TAF5L: variants seen among roughly 807,000 people sequenced by gnomAD.
TAF5L encodes TATA-box binding protein associated factor 5 like, also known as TAF5-like RNA polymerase II p300/CBP-associated factor-associated factor 65 kDa subunit 5L.
A neutral mutation model predicts 51.3 loss-of-function variants in TAF5L; 7 were observed. That is an observed-to-expected ratio of 0.14 (90% confidence interval 0.08 to 0.26). The LOEUF (loss-of-function observed/expected upper bound fraction) is 0.26, where lower values mean the gene tolerates loss of function less well. TAF5L is among the 10% of genes least tolerant of loss of function. The pLI is 1.00. For synonymous variants in TAF5L, 291 were observed against 308.1 expected (o/e 0.94, Z 0.58); for missense variants, 575 against 758.9 (o/e 0.76, Z 2.85).
At chr1:229,617,175 C>T (rs1665035413) in intron 1 of TAF5L, among the ~76,000 whole-genome samples, 1 of 152,146 alleles carries the variant, frequency 6.6e-6, no homozygotes, top group African/African-American at 2.4e-5. Flanking sequence ...CAGCACTGCT[C>T]TATCAGTGAT....
intron 4 of TAF5L, chr1:229,600,282 A>C: frequency 2.0e-6 from 2 of 985,382 alleles, no homozygotes; most frequent in Non-Finnish European, 2.4e-6. Context: ...CAACAACAGA[A>C]TAGGAGAATC....
intron 2 of TAF5L, among the ~76,000 whole-genome samples, chr1:229,610,895 C>A (rs760053662): frequency 5.9e-5 from 9 of 152,120 alleles, no homozygotes; most frequent in Non-Finnish European, 1.2e-4. Flanking sequence ...CCCCTAAACA[C>A]GCTATGCTTT....
rs1416741858 is a variant in TAF5L, at chr1:229,625,676, G to T, written c.-4+209C>A. Among the ~76,000 whole-genome samples, 3 of 149,216 alleles carry T rather than the reference G, an allele frequency of 2.0e-5. No individual in the cohort carries two copies. The highest frequency in any genetic ancestry group is 4.5e-5 in the Non-Finnish European group (3 of 67,086). On this transcript the variant is annotated intron_variant, in intron 1 of 4. Transcript: ENST00000258281. The surrounding 1 kb of genome is among the most constrained non-coding windows in gnomAD (Gnocchi z 4.0). ...GCCGCCGGCCGCAGCCCGGGACTCG[G>T]GAGGCCGAGGGCGGAGGCGCGGCCG...
chr1:229,622,949 G>C (rs1472825883), intron 1 of TAF5L, among the ~76,000 whole-genome samples: 1 of 152,134 alleles, frequency 6.6e-6, no homozygotes, highest in Non-Finnish European at 1.5e-5. Context: ...TCTTTCCAAG[G>C]AGCTAATCTG....
exon 5 of TAF5L, chr1:229,593,502 C>T (rs1663995003): frequency 1.3e-5 from 2 of 152,120 alleles, no homozygotes; most frequent in East Asian, 1.9e-4. Context: ...TTCCCACCAT[C>T]ACTGCAGGAG....
intron 4 of TAF5L, chr1:229,600,244 A>G: frequency 1.0e-6 from 1 of 985,330 alleles, no homozygotes; most frequent in South Asian, 4.7e-5. Flanking sequence ...TTGCTGTGAT[A>G]AAATGGGCGG....
In TAF5L at chr1:229,611,246, C is replaced by T. The variant is rs191016160; in HGVS notation, c.143-1036G>A. On this transcript the variant is annotated intron_variant, in intron 2 of 4. Transcript: ENST00000258281. ...TCTCAATATTCAGTATGTAAACACA[C>T]ACTTAATCTCCAATCTGTGAGTTTA... 1.7e-3 allele frequency among the ~76,000 whole-genome samples: 257 copies of T among 152,298 alleles called. 1 individual carries two copies. The highest frequency in any genetic ancestry group is 5.9e-3 in the African/African-American group (247 of 41,566).
At chr1:229,601,473 T>C in intron 4 of TAF5L, 1 of 985,458 alleles carries the variant, frequency 1.0e-6, no homozygotes, top group Non-Finnish European at 1.2e-6. Flanking sequence ...GCCCACATTT[T>C]TTCTAAGGTA....
At position 229,602,520 on chromosome 1, in the gene TAF5L, G is replaced by A. The variant is rs760883580; in HGVS notation, c.647C>T (p.Ser216Phe). 10 of 1,614,040 alleles carry A rather than the reference G, an allele frequency of 6.2e-6. No individual in the cohort carries two copies. The highest frequency in any genetic ancestry group is 8.5e-6 in the Non-Finnish European group (10 of 1,180,014). Residue 216 changes from serine to phenylalanine, a missense_variant, in exon 4 of 5, where the codon TCC (serine) becomes TTC (phenylalanine). Physicochemically the swap from Ser to Phe is radical, Grantham distance 155. Around this residue, in one of 3 missense-constraint regions of TAF5L, gnomAD observed 380 missense variants for 443.7 expected, o/e 0.86. Transcript: ENST00000258281. This position sits in a 1 kb window ranked among gnomAD's most constrained non-coding sequence, Gnocchi z 4.6. ...CTCCAAACCGTTGTTCTCACTGCGG[G>A]AGGAGCTGCCACTGGCATACAGCTG... is the stretch of plus-strand genomic sequence containing the variant.
rs765365871 is a variant in TAF5L, at chr1:229,602,985, G to A, written c.248-66C>T. ...CTTACAGAATAACGTGATCCCTCCT[G>A]GGGATCACCACCATCATATAATGCT... On this transcript the variant is annotated intron_variant, in intron 3 of 4. Coordinates refer to ENST00000258281, the Ensembl canonical transcript of TAF5L. The surrounding 1 kb of genome is among the most constrained non-coding windows in gnomAD (Gnocchi z 4.6). The A allele has an allele frequency of 5.9e-5, 89 of 1,499,256 alleles. No individual in the cohort carries two copies. Among genetic ancestry groups the A allele is most frequent in the Non-Finnish European group, 7.2e-5 (82 of 1,135,120 alleles). 92.9% of individuals were successfully genotyped at this position (1,499,256 alleles called of 1,614,324 possible).
At chr1:229,618,931 G>C (rs1395893305) in intron 1 of TAF5L, among the ~76,000 whole-genome samples, 1 of 152,184 alleles carries the variant, frequency 6.6e-6, no homozygotes, top group Non-Finnish European at 1.5e-5. Flanking sequence ...GTAGGGGTGA[G>C]TTCAAGATAA....
Position 229,594,343 on chromosome 1 carries a change from T to A in TAF5L, c.1724A>T (p.Asn575Ile), listed in dbSNP as rs1664034625. 1 of 1,613,270 alleles carries A rather than the reference T, an allele frequency of 6.2e-7. No individual in the cohort carries two copies. ...TGTAATTCCAGTCACCAGAAGAAGG[T>A]TACAGGCCATGAACTGCACGCTCAG... The change falls in exon 5 of 5, where the codon AAC (asparagine) becomes ATC (isoleucine). Residue 575 changes from asparagine to isoleucine, a missense_variant. This residue lies in a region of TAF5L where 91 missense variants were observed against 96.9 expected (regional missense o/e 0.94). Transcript: ENST00000258281. The surrounding 1 kb of genome is among the most constrained non-coding windows in gnomAD (Gnocchi z 7.9).
At chr1:229,615,558 A>C (rs1664948679) in intron 1 of TAF5L, among the ~76,000 whole-genome samples, 1 of 152,048 alleles carries the variant, frequency 6.6e-6, no homozygotes, top group Non-Finnish European at 1.5e-5. Flanking sequence ...GAAGTAAATT[A>C]TTTTTGAATA....
intron 4 of TAF5L, chr1:229,600,565 C>T (rs1664333991): frequency 3.0e-6 from 3 of 985,502 alleles, no homozygotes; most frequent in Non-Finnish European, 2.4e-6. Context: ...GTCTCCTTTG[C>T]CACTGCCACT....
chr1:229,609,982 A>AT, intron 3 of TAF5L, 124 bp downstream of exon 3: 2 of 734,632 alleles, frequency 2.7e-6, no homozygotes, highest in South Asian at 1.9e-5. Context: ...GCATTACTCT[A>AT]TTTTTTAATT....
Position 229,602,224 on chromosome 1 carries a change from G to A in TAF5L, c.943C>T (p.His315Tyr). 6.2e-7 allele frequency: 1 copy of A among 1,613,948 alleles called. No individual in the cohort carries two copies. Among genetic ancestry groups the A allele is most frequent in the Non-Finnish European group, 8.5e-7 (1 of 1,179,864 alleles). ...TCCTCCAGAATATCACAAGCCAAAT[G>A]GATGCGGGACACGTCTACTTGGTGG... Residue 315 changes from histidine to tyrosine, a missense_variant, in exon 4 of 5, where the codon CAT becomes TAT. Coordinates refer to ENST00000258281, the Ensembl canonical transcript of TAF5L. The surrounding 1 kb of genome is among the most constrained non-coding windows in gnomAD (Gnocchi z 4.6).
intron 4 of TAF5L, among the ~76,000 whole-genome samples, chr1:229,598,987 G>A (rs527661358): frequency 6.2e-4 from 94 of 152,196 alleles, no homozygotes; most frequent in African/African-American, 2.0e-3. Flanking sequence ...GTGAGCCACC[G>A]CACCCAGCCA....
In TAF5L at chr1:229,602,125, C is replaced by G. The variant is rs980181959; in HGVS notation, c.972+70G>C. ...CTAGGAAGTCCATTCTAAGATATGT[C>G]GTGTTTGGTAAGGACATTCTAAGGA... On this transcript the variant is annotated intron_variant, in intron 4 of 4. Coordinates refer to ENST00000258281, the Ensembl canonical transcript of TAF5L. The surrounding 1 kb of genome is among the most constrained non-coding windows in gnomAD (Gnocchi z 4.6). The G allele has an allele frequency of 6.4e-7, 1 of 1,552,522 alleles. No individual in the cohort carries two copies. The highest frequency in any genetic ancestry group is 1.3e-5 in the South Asian group (1 of 79,032).
intron 4 of TAF5L, chr1:229,600,248 T>C (rs948685950): frequency 1.9e-5 from 19 of 985,146 alleles, no homozygotes; most frequent in Non-Finnish European, 2.3e-5. Context: ...TGTGATAAAA[T>C]GGGCGGGCAT....
Sources: allele counts gnomAD v4.1 joint callset (sites outside exome capture counted in the v4.1 genomes callset), GRCh38; gene constraint gnomAD v4.1.1; regional missense constraint gnomAD v4.1.1; non-coding constraint Gnocchi (gnomAD v3.1); transcripts MANE v1.5; gene names NCBI Gene and HGNC (gene_info 2026-07-23, HGNC 2026-07-21).